SOX5: variants seen among roughly 807,000 people sequenced by gnomAD.
SOX5 encodes the protein SRY-box transcription factor 5, also known as transcription factor SOX-5.
SOX5 carries 9 observed loss-of-function variants against 92.0 expected under a neutral mutation model. That is an observed-to-expected ratio of 0.10 (90% CI 0.06 to 0.17). SOX5 has a LOEUF of 0.17. Among genes scored for constraint, SOX5 ranks in the 10% least tolerant of loss-of-function variants. SOX5 has a pLI of 1.00. For missense variants in SOX5, 642 were observed against 944.5 expected (o/e 0.68, Z 4.20); for synonymous variants, 344 against 336.3 (o/e 1.02, Z -0.25).
intron 11 of SOX5, among the ~76,000 whole-genome samples, chr12:23,561,522 C>G (rs1389280226): frequency 6.6e-6 from 1 of 152,142 alleles, no homozygotes. Context: ...CATTGCCTTA[C>G]AAGCCGTCAG....
In SOX5 at chr12:24,223,877, T is replaced by C. The variant is rs112610159; in HGVS notation, c.-76-10460A>G. On this transcript the variant is annotated intron_variant, in intron 3 of 4. Transcript: ENST00000446891. ...TCACGTTTCAGACTGACTCGACCTA[T>C]TGTTAGAGATGCTTTTTCTGTGACA... 2.4e-3 allele frequency among the ~76,000 whole-genome samples: 367 copies of C among 152,356 alleles called. 2 individuals carry two copies. The highest frequency in any genetic ancestry group is 8.5e-3 in the African/African-American group (352 of 41,592).
intron 4 of SOX5, among the ~76,000 whole-genome samples, chr12:24,127,574 C>T (rs184465955): frequency 6.6e-6 from 1 of 152,264 alleles, no homozygotes; most frequent in Non-Finnish European, 1.5e-5. Flanking sequence ...TTCTCCGCCA[C>T]ACTTTTGTGA....
intron 1 of SOX5, among the ~76,000 whole-genome samples, chr12:23,902,209 T>A (rs1363284150): frequency 6.6e-6 from 1 of 152,176 alleles, no homozygotes; most frequent in Non-Finnish European, 1.5e-5. Context: ...GAAAATGACA[T>A]GTACAGAGTT....
At chr12:23,554,520 T>C (rs1944774130) in intron 11 of SOX5, among the ~76,000 whole-genome samples, 1 of 152,146 alleles carries the variant, frequency 6.6e-6, no homozygotes, top group Non-Finnish European at 1.5e-5. Context: ...GATCTGCCAC[T>C]TGAATTCCTC....
At chr12:24,287,592 CTTTT>C (rs763973565) in intron 2 of SOX5, among the ~76,000 whole-genome samples, 29 of 79,682 alleles carry the variant, frequency 3.6e-4, no homozygotes, top group African/African-American at 5.9e-4. Context: ...TTCTCAAATC[CTTTT>C]TTTTTTTTTT....
At chr12:23,827,337 TAGAG>T (rs557859932) in intron 3 of SOX5, among the ~76,000 whole-genome samples, 1 of 152,322 alleles carries the variant, frequency 6.6e-6, no homozygotes, top group East Asian at 1.9e-4. Context: ...TTATTTTACA[TAGAG>T]AATTTACAAT....
chr12:24,269,662 C>T (rs1197139007), intron 3 of SOX5, among the ~76,000 whole-genome samples: 2 of 149,138 alleles, frequency 1.3e-5, no homozygotes, highest in African/African-American at 4.9e-5. Flanking sequence ...GCCTACTATC[C>T]TTTATCACAT....
At chr12:23,950,987 AC>A, upstream of SOX5, 1 of 765,844 alleles carries the variant, frequency 1.3e-6, no homozygotes, top group Non-Finnish European at 2.2e-6. Flanking sequence ...GCACACACAC[AC>A]ACACACACAC....
chr12:23,872,406 A>C (rs1260950739), intron 2 of SOX5, among the ~76,000 whole-genome samples: 1 of 151,750 alleles, frequency 6.6e-6, no homozygotes, highest in Admixed American at 6.6e-5. Flanking sequence ...TTCACCATCA[A>C]TACTCAAAAA....
chr12:24,297,995 C>T (rs1413483041), intron 2 of SOX5, among the ~76,000 whole-genome samples: 2 of 152,040 alleles, frequency 1.3e-5, no homozygotes, highest in East Asian at 1.9e-4. Context: ...CCTATGAATA[C>T]GCATTACTCC....
chr12:24,017,087 C>G (rs184811416), intron 4 of SOX5, among the ~76,000 whole-genome samples: 4 of 152,208 alleles, frequency 2.6e-5, no homozygotes. Flanking sequence ...GAGGCAGTGT[C>G]GAGCCACTGG....
intron 3 of SOX5, among the ~76,000 whole-genome samples, chr12:23,759,338 A>C (rs2094502262): frequency 6.6e-6 from 1 of 152,050 alleles, no homozygotes; most frequent in Non-Finnish European, 1.5e-5. Context: ...TTTTACTTAT[A>C]TAGTAGAAGG....
intron 4 of SOX5, among the ~76,000 whole-genome samples, chr12:24,082,172 G>T (rs1943419002): frequency 6.6e-6 from 1 of 151,738 alleles, no homozygotes; most frequent in African/African-American, 2.4e-5. Flanking sequence ...ATGCATGACG[G>T]AGCGTACAAC....
chr12:23,976,639 C>T (rs1948945447), intron 4 of SOX5, among the ~76,000 whole-genome samples: 1 of 152,064 alleles, frequency 6.6e-6, no homozygotes, highest in South Asian at 2.1e-4. Context: ...GTCCACTAGA[C>T]ATTCACTCGA....
At chr12:23,796,630 T>C (rs1488393887) in intron 3 of SOX5, among the ~76,000 whole-genome samples, 7 of 151,942 alleles carry the variant, frequency 4.6e-5, no homozygotes, top group Non-Finnish European at 8.8e-5. Flanking sequence ...AAACTGTGTT[T>C]AGCTTCTAAA....
At chr12:24,271,032 C>T (rs1381755560) in intron 3 of SOX5, among the ~76,000 whole-genome samples, 2 of 152,160 alleles carry the variant, frequency 1.3e-5, no homozygotes, top group Non-Finnish European at 2.9e-5. Context: ...ATATTTATCT[C>T]TAGGAATAAT....
chr12:23,829,037 G>A (rs763303225), intron 3 of SOX5, among the ~76,000 whole-genome samples: 2 of 152,064 alleles, frequency 1.3e-5, no homozygotes, highest in Non-Finnish European at 2.9e-5. Flanking sequence ...AACTCTGGGA[G>A]CAGGTGGCAA....
In SOX5 at chr12:23,732,292, T is replaced by A. The variant is rs377554553; in HGVS notation, c.810+2392A>T. 7.9e-5 allele frequency among the ~76,000 whole-genome samples: 12 copies of A among 152,286 alleles called. No homozygotes were observed. In the South Asian group the frequency reaches 2.3e-3, roughly 29 times the overall value. ...CTGTTCTACATTTTTAATGTCCTAT[T>A]TCTACATATGTCACCACATCAGAGC... is the stretch of plus-strand genomic sequence containing the variant. On this transcript the variant is annotated intron_variant, in intron 6 of 14. Transcript: ENST00000451604.
At chr12:24,184,933 C>A (rs1197895482) in intron 4 of SOX5, among the ~76,000 whole-genome samples, 1 of 151,978 alleles carries the variant, frequency 6.6e-6, no homozygotes, top group Non-Finnish European at 1.5e-5. Flanking sequence ...TAAAAAAAAT[C>A]TCTATAATGA....
Sources: gnomAD v4.1 joint callset for allele counts (sites outside exome capture counted in the v4.1 genomes callset) on GRCh38, gnomAD v4.1.1 for gene constraint, MANE v1.5 for transcripts, NCBI Gene and HGNC (gene_info 2026-07-23, HGNC 2026-07-21) for gene names.